The following SNX8 variants were observed in gnomAD, a reference collection of about 807,000 sequenced individuals.
The protein encoded by SNX8 is sorting nexin 8, also known as sorting nexin-8.
In SNX8, 25 loss-of-function variants were observed where a neutral mutation model predicts 51.6. The ratio of observed to expected loss-of-function variants is 0.48; its 90% CI spans 0.35 to 0.68. The LOEUF is 0.68. Among genes scored for constraint, SNX8 ranks in the 30% least tolerant of loss-of-function variants. The probability of loss-of-function intolerance (pLI) is 0.00; values close to 1 mark genes in which losing one functional copy is unlikely to be tolerated. For missense variants in SNX8, 695 were observed against 624.0 expected (o/e 1.11, Z -1.21); for synonymous variants, 324 against 277.0 (o/e 1.17, Z -1.68).
chr7:2,275,039 T>C lies in SNX8; in HGVS notation c.418+73A>G, dbSNP rs967531623. On this transcript the variant is annotated intron_variant, in intron 3 of 10. Coordinates refer to ENST00000222990, the MANE Select transcript of SNX8 (RefSeq NM_013321.4). ...CCCGGTCTACAGTGGGGTCCATCCC[T>C]GAGCCAGGACCACAGGGTCCAGGAG... 156 of 1,046,792 alleles carry C rather than the reference T, an allele frequency of 1.5e-4. No homozygotes were observed. In the African/African-American group the frequency reaches 2.2e-3, roughly 15 times the overall value. The allele number at this position is 1,046,792 out of a possible 1,614,324, so 64.8% of individuals were successfully genotyped here.
At chr7:2,277,604 C>T (rs1200159282) in intron 2 of SNX8, among the ~76,000 whole-genome samples, 2 of 151,060 alleles carry the variant, frequency 1.3e-5, no homozygotes, top group African/African-American at 4.9e-5. Flanking sequence ...ATCAAGACCA[C>T]CCTGGCTAAC....
At chr7:2,297,384 C>G (rs1796295242) in intron 1 of SNX8, among the ~76,000 whole-genome samples, 2 of 151,432 alleles carry the variant, frequency 1.3e-5, no homozygotes, top group Non-Finnish European at 2.9e-5. Context: ...AACCCCATCT[C>G]TACTAAAAAT....
Position 2,287,011 on chromosome 7 carries a change from C to A in SNX8, c.95-8706G>T, listed in dbSNP as rs185472785. Reference sequence around the variant, plus strand: ...AAAATTAGCCAGGCGTGGTGGTGGGCACCTGTAATCCCAGCTACTCAGGAG... The same window carrying A: ...AAAATTAGCCAGGCGTGGTGGTGGGAACCTGTAATCCCAGCTACTCAGGAG... On this transcript the variant is annotated intron_variant, in intron 1 of 10. Transcript: ENST00000222990. Among the ~76,000 whole-genome samples, 232 of 150,830 alleles carry A rather than the reference C, an allele frequency of 1.5e-3. No individual in the cohort carries two copies. The East Asian group carries it at 0.031, about 20-fold the overall frequency.
chr7:2,304,509 A>G (rs2115192465), intron 1 of SNX8, among the ~76,000 whole-genome samples: 1 of 150,976 alleles, frequency 6.6e-6, no homozygotes, highest in South Asian at 2.1e-4. Flanking sequence ...GCCCCACTGT[A>G]CTCCAGCCTG....
rs1020522261 is a variant in SNX8, at chr7:2,254,789, T to C, written c.*267A>G. 7.4e-6 allele frequency: 4 copies of C among 541,616 alleles called. No homozygotes were observed. The highest frequency in any genetic ancestry group is 1.9e-5 in the African/African-American group (1 of 52,166). 33.6% of individuals were successfully genotyped at this position (541,616 alleles called of 1,614,324 possible). A position where few individuals can be genotyped will look rare whatever the true frequency, so the allele number is the denominator to read the frequency against. On this transcript the variant is annotated 3_prime_UTR_variant, in exon 11 of 11. Coordinates refer to ENST00000222990, the MANE Select transcript of SNX8 (RefSeq NM_013321.4). ...AGATCCCTGCCTCCCCGCACAGCTC[T>C]GGGTGTCAGGAGGAAACCATTCCAG...
chr7:2,339,262 G>A (rs562409767), intron 1 of SNX8, among the ~76,000 whole-genome samples: 3 of 152,084 alleles, frequency 2.0e-5, no homozygotes, highest in South Asian at 4.2e-4. Context: ...CTGGAGTGCA[G>A]CGGCACGATC....
chr7:2,323,823 T>C (rs1778580636), intron 1 of SNX8, among the ~76,000 whole-genome samples: 1 of 152,160 alleles, frequency 6.6e-6, no homozygotes, highest in African/African-American at 2.4e-5. Context: ...GTTTTTGTTT[T>C]GAGACCGACT....
At chr7:2,353,225 T>C (rs62444162) in intron 1 of SNX8, among the ~76,000 whole-genome samples, 5,737 of 151,998 alleles carry the variant, frequency 0.038, 134 homozygotes, top group Middle Eastern at 0.096. Context: ...AAATTGCATA[T>C]TAAAATGGCT....
chr7:2,281,913 C>T (rs1278132704), intron 1 of SNX8, among the ~76,000 whole-genome samples: 1 of 152,156 alleles, frequency 6.6e-6, no homozygotes, highest in Non-Finnish European at 1.5e-5. Flanking sequence ...CCACAGGCCC[C>T]TCGAACGACA....
At chr7:2,321,866 G>A (rs532541222) in intron 1 of SNX8, among the ~76,000 whole-genome samples, 1 of 151,964 alleles carries the variant, frequency 6.6e-6, no homozygotes, top group South Asian at 2.1e-4. Context: ...TGGGATTACA[G>A]GCGCCCGCCA....
At position 2,314,240 on chromosome 7, in the gene SNX8, C is replaced by T. The variant is rs1584733965; in HGVS notation, c.94+88G>A. The T allele has an allele frequency of 2.1e-5, 25 of 1,198,146 alleles. 1 individual carries two copies. In the South Asian group the frequency reaches 1.0e-3, roughly 50 times the overall value. The allele number at this position is 1,198,146 out of a possible 1,614,324, so 74.2% of individuals were successfully genotyped here. ...GCGGGGGCAGGAAACGAGTCGGGGA[C>T]CAAGCGCGGCGGCTGAGCCCCGTCC... On this transcript the variant is annotated intron_variant, in intron 1 of 10. Coordinates refer to ENST00000222990, the MANE Select transcript of SNX8 (RefSeq NM_013321.4).
chr7:2,284,892 G>A (rs58021106), intron 1 of SNX8, among the ~76,000 whole-genome samples: 7 of 151,936 alleles, frequency 4.6e-5, no homozygotes, highest in East Asian at 3.9e-4. Context: ...ATTCTGAGTC[G>A]GCTAATAAAT....
chr7:2,291,897 A>G (rs1034067664), intron 1 of SNX8, among the ~76,000 whole-genome samples: 2 of 152,228 alleles, frequency 1.3e-5, no homozygotes, highest in Non-Finnish European at 2.9e-5. Flanking sequence ...ACTGCTGCCT[A>G]TCATGGGAGG....
intron 1 of SNX8, among the ~76,000 whole-genome samples, chr7:2,348,205 C>G (rs567102778): frequency 6.6e-6 from 1 of 152,124 alleles, no homozygotes; most frequent in African/African-American, 2.4e-5. Flanking sequence ...TCTGCCAACT[C>G]GAATTCTGTC....
At chr7:2,297,910 G>A (rs1796307885) in intron 1 of SNX8, among the ~76,000 whole-genome samples, 1 of 151,868 alleles carries the variant, frequency 6.6e-6, no homozygotes, top group Admixed American at 6.6e-5. Flanking sequence ...GGTGAAGGAT[G>A]AAAAATTACC....
At chr7:2,282,547 A>T (rs956125678) in intron 1 of SNX8, among the ~76,000 whole-genome samples, 3 of 152,194 alleles carry the variant, frequency 2.0e-5, no homozygotes, top group Non-Finnish European at 4.4e-5. Context: ...CGAAACTTCA[A>T]ACACACACAC....
In SNX8 at chr7:2,253,631, C is replaced by G. The variant is rs896631956; in HGVS notation, c.*1425G>C. 2 of 152,906 alleles carry G rather than the reference C, an allele frequency of 1.3e-5. No homozygotes were observed. The highest frequency in any genetic ancestry group is 1.3e-4 in the Admixed American group (2 of 15,300). 9.5% of individuals were successfully genotyped at this position (152,906 alleles called of 1,614,324 possible). ...CAGCAGCAGAACCCACAGGGCAGGG[C>G]AGGCTGGGCCCGAGCCCCACAGCCA... On this transcript the variant is annotated 3_prime_UTR_variant, in exon 11 of 11. Transcript: ENST00000222990.
At chr7:2,300,981 GT>G (rs1294257055) in intron 1 of SNX8, among the ~76,000 whole-genome samples, 2 of 152,140 alleles carry the variant, frequency 1.3e-5, no homozygotes, top group Non-Finnish European at 2.9e-5. Context: ...AACGAGACAA[GT>G]AACCATTCTC....
chr7:2,286,522 A>AT (rs767398836), intron 1 of SNX8, among the ~76,000 whole-genome samples: 170 of 71,940 alleles, frequency 2.4e-3, no homozygotes, highest in East Asian at 5.1e-3. Flanking sequence ...CTATTTTATA[A>AT]TTTTTTTTTT....
Sources: gnomAD v4.1 joint callset for allele counts (sites outside exome capture counted in the v4.1 genomes callset) on GRCh38, gnomAD v4.1.1 for gene constraint, MANE v1.5 for transcripts, NCBI Gene and HGNC (gene_info 2026-07-23, HGNC 2026-07-21) for gene names.